The following DGKB variants were observed in gnomAD, a reference collection of about 807,000 sequenced individuals.
DGKB encodes the protein diacylglycerol kinase beta, also known as 90 kDa diacylglycerol kinase.
DGKB carries 67 observed loss-of-function variants against 114.3 expected under a neutral mutation model. The observed-to-expected ratio is 0.59, with a 90% CI of 0.48 to 0.72. The LOEUF (loss-of-function observed/expected upper bound fraction) is 0.72, where lower values mean the gene tolerates loss of function less well. Among genes scored for constraint, DGKB ranks in the 30% least tolerant of loss-of-function variants. DGKB has a pLI of 0.00. For synonymous variants in DGKB, 398 were observed against 323.1 expected (o/e 1.23, Z -2.49); for missense variants, 907 against 975.2 (o/e 0.93, Z 0.93).
intron 20 of DGKB, among the ~76,000 whole-genome samples, chr7:14,567,356 T>A (rs1245174812): frequency 6.8e-4 from 23 of 34,046 alleles, no homozygotes; most frequent in African/African-American, 2.6e-3. Flanking sequence ...TATATATAAT[T>A]ATATTATATA....
intron 17 of DGKB, among the ~76,000 whole-genome samples, chr7:14,584,654 TTTTTA>T (rs1800458426): frequency 6.6e-6 from 1 of 151,980 alleles, no homozygotes; most frequent in African/African-American, 2.4e-5. Flanking sequence ...GCCTTTTTAT[TTTTTA>T]TTTTTATTTT....
At chr7:14,525,109 G>T (rs1243324148) in intron 20 of DGKB, among the ~76,000 whole-genome samples, 1 of 151,114 alleles carries the variant, frequency 6.6e-6, no homozygotes, top group Non-Finnish European at 1.5e-5. Flanking sequence ...ATTTTTTTTT[G>T]AACTATTGGT....
At chr7:14,773,217 G>A (rs1238457677) in intron 2 of DGKB, among the ~76,000 whole-genome samples, 1 of 152,054 alleles carries the variant, frequency 6.6e-6, no homozygotes, top group Non-Finnish European at 1.5e-5. Context: ...ATACTTTAGT[G>A]CTTTATATTA....
At chr7:14,631,346 A>T (rs1585211409) in intron 13 of DGKB, among the ~76,000 whole-genome samples, 2 of 151,872 alleles carry the variant, frequency 1.3e-5, no homozygotes, top group East Asian at 1.9e-4. Flanking sequence ...CAGAATAGAG[A>T]TGGACTAAAA....
At chr7:14,747,769 C>CCGCGCACG (rs746360842) in intron 4 of DGKB, among the ~76,000 whole-genome samples, 3 of 92,810 alleles carry the variant, frequency 3.2e-5, no homozygotes, top group African/African-American at 1.5e-4. Context: ...TCAAACACAT[C>CCGCGCACG]CACGCGCACG....
chr7:14,406,195 A>T (rs1043904335), intron 21 of DGKB, among the ~76,000 whole-genome samples: 4 of 152,140 alleles, frequency 2.6e-5, no homozygotes, highest in Non-Finnish European at 5.9e-5. Flanking sequence ...TGACTGAACC[A>T]AATCAGATGC....
chr7:14,772,651 T>A (rs1328146372), intron 2 of DGKB, among the ~76,000 whole-genome samples: 1 of 152,200 alleles, frequency 6.6e-6, no homozygotes, highest in African/African-American at 2.4e-5. Flanking sequence ...ACTCTTCCTA[T>A]CATCTGTTAC....
chr7:14,563,320 G>A (rs1286172133), intron 20 of DGKB, among the ~76,000 whole-genome samples: 2 of 152,146 alleles, frequency 1.3e-5, no homozygotes, highest in African/African-American at 4.8e-5. Flanking sequence ...TTTACTTGTG[G>A]AAATTACTTA....
chr7:14,653,570 G>A (rs1815096414), intron 13 of DGKB, among the ~76,000 whole-genome samples: 2 of 152,048 alleles, frequency 1.3e-5, no homozygotes, highest in African/African-American at 2.4e-5. Context: ...ACGAGTTAGT[G>A]GGTTCAGCGC....
intron 2 of DGKB, among the ~76,000 whole-genome samples, chr7:14,804,067 T>TGGGG (rs57126337): frequency 2.5e-4 from 31 of 122,398 alleles, no homozygotes; most frequent in African/African-American, 1.1e-3. Flanking sequence ...ACTTCACTTT[T>TGGGG]TGGGTGTGTG....
intron 23 of DGKB, among the ~76,000 whole-genome samples, chr7:14,225,664 T>G (rs909078947): frequency 1.3e-5 from 2 of 152,018 alleles, no homozygotes; most frequent in African/African-American, 4.8e-5. Flanking sequence ...TGTGATGGGT[T>G]ATTTTGATCA....
intron 25 of DGKB, among the ~76,000 whole-genome samples, chr7:14,172,000 T>G (rs1781070697): frequency 6.6e-6 from 1 of 152,136 alleles, no homozygotes; most frequent in Admixed American, 6.6e-5. Flanking sequence ...ACTGAAACAC[T>G]GAGGCTGAGC....
At chr7:14,964,034 A>G (rs1015157166) in intron 1 of DGKB, among the ~76,000 whole-genome samples, 1 of 152,162 alleles carries the variant, frequency 6.6e-6, no homozygotes, top group African/African-American at 2.4e-5. Flanking sequence ...TATTTATAAG[A>G]AAAAGTGTGG....
chr7:14,178,161 A>C lies in DGKB; in HGVS notation c.2123-10T>G, dbSNP rs993335871. 6.2e-7 allele frequency: 1 copy of C among 1,613,414 alleles called. No individual in the cohort carries two copies. Among genetic ancestry groups the C allele is most frequent in the East Asian group, 2.2e-5 (1 of 44,840 alleles). On this transcript the variant is annotated splice_polypyrimidine_tract_variant and intron_variant, in intron 23 of 25. Coordinates refer to ENST00000402815, the MANE Select transcript of DGKB (RefSeq NM_001350709.2). ...AGCTGGTCACTGAGATCTGAAAGAAAGTAGATGCCTTTTAAGTTGCAATGT... is the reference window on the plus strand; with the variant it reads ...AGCTGGTCACTGAGATCTGAAAGAACGTAGATGCCTTTTAAGTTGCAATGT...
intron 25 of DGKB, among the ~76,000 whole-genome samples, chr7:14,162,654 A>T (rs554007774): frequency 6.6e-6 from 1 of 152,346 alleles, no homozygotes; most frequent in South Asian, 2.1e-4. Flanking sequence ...TTCAGGTTTC[A>T]AAATAAAGAA....
intron 23 of DGKB, among the ~76,000 whole-genome samples, chr7:14,252,450 T>C (rs1460308646): frequency 2.6e-5 from 4 of 152,192 alleles, no homozygotes; most frequent in Non-Finnish European, 5.9e-5. Flanking sequence ...TCAGTCCTCA[T>C]AGACTACTCA....
intron 23 of DGKB, among the ~76,000 whole-genome samples, chr7:14,200,053 A>C (rs1227104324): frequency 2.0e-5 from 3 of 151,996 alleles, no homozygotes; most frequent in African/African-American, 7.2e-5. Flanking sequence ...TAAGTCTAGA[A>C]CTTCTGGAGG....
chr7:14,160,086 A>AAT (rs1318003799), intron 25 of DGKB, among the ~76,000 whole-genome samples: 1 of 152,200 alleles, frequency 6.6e-6, no homozygotes, highest in Non-Finnish European at 1.5e-5. Context: ...TTGTCATGAG[A>AAT]ATGATATGAT....
chr7:14,971,572 C>T (rs151252078), intron 1 of DGKB, among the ~76,000 whole-genome samples: 1 of 151,822 alleles, frequency 6.6e-6, no homozygotes, highest in East Asian at 1.9e-4. Context: ...GAATTTAAAG[C>T]AACATTTCTG....
Sources: gnomAD v4.1 joint callset for allele counts (sites outside exome capture counted in the v4.1 genomes callset) on GRCh38, gnomAD v4.1.1 for gene constraint, MANE v1.5 for transcripts, NCBI Gene and HGNC (gene_info 2026-07-23, HGNC 2026-07-21) for gene names.